DAD1: variants seen among roughly 807,000 people sequenced by gnomAD.
DAD1 encodes defender against cell death 1, also known as dolichyl-diphosphooligosaccharide--protein glycosyltransferase subunit DAD1.
In DAD1, 4 loss-of-function variants were observed where a neutral mutation model predicts 9.0. That is an observed-to-expected ratio of 0.44 (90% CI 0.22 to 1.01). The LOEUF (loss-of-function observed/expected upper bound fraction) is 1.01. Ranked by LOEUF, DAD1 falls within the 50% of genes least tolerant of loss-of-function variation. The probability of loss-of-function intolerance (pLI) is 0.24; values close to 1 mark genes in which losing one functional copy is unlikely to be tolerated. For synonymous variants in DAD1, 60 were observed against 62.5 expected, an observed-to-expected ratio of 0.96 and a Z score of 0.19; for missense variants, 119 against 137.3, an observed-to-expected ratio of 0.87 and a Z score of 0.67.
chr14:22,574,945 C>T (rs1414010206), intron 2 of DAD1, 114 bp downstream of exon 2: 1 of 835,794 alleles, frequency 1.2e-6, no homozygotes, highest in African/African-American at 1.7e-5. Flanking sequence ...ATGGAAAATT[C>T]TGCAAATGTC....
chr14:22,588,699 A>G (rs2139250564), intron 1 of DAD1, among the ~76,000 whole-genome samples: 1 of 152,350 alleles, frequency 6.6e-6, no homozygotes, highest in Non-Finnish European at 1.5e-5. Context: ...AGTGAAGTGG[A>G]TCACCAAGTG....
chr14:22,588,296 A>G (rs1213273003), intron 1 of DAD1, among the ~76,000 whole-genome samples: 1 of 152,254 alleles, frequency 6.6e-6, no homozygotes, highest in East Asian at 1.9e-4. Context: ...AAGAAAAGTC[A>G]GATTTTAACA....
In DAD1 at chr14:22,589,195, C is replaced by T. The variant is rs375224488; in HGVS notation, c.-38G>A. 3.1e-6 allele frequency: 5 copies of T among 1,605,842 alleles called. No individual in the cohort carries two copies. The highest frequency in any genetic ancestry group is 1.7e-5 in the Admixed American group (1 of 59,904). Reference sequence around the variant, plus strand: ...GGTACTCCGGTCCGCGCCCCAAACTCTTGGAGGACCCGTCGACCACACCGG... The same window carrying T: ...GGTACTCCGGTCCGCGCCCCAAACTTTTGGAGGACCCGTCGACCACACCGG... On this transcript the variant is annotated 5_prime_UTR_variant, in exon 1 of 3. Coordinates refer to ENST00000250498, the MANE Select transcript of DAD1 (RefSeq NM_001344.4).
intron 1 of DAD1, among the ~76,000 whole-genome samples, chr14:22,582,049 T>C (rs1230636929): frequency 6.8e-6 from 1 of 148,092 alleles, no homozygotes; most frequent in African/African-American, 2.5e-5. Flanking sequence ...AAAAATAAAA[T>C]ACAAAAAATT....
chr14:22,580,267 T>C (rs1266719282), intron 1 of DAD1, among the ~76,000 whole-genome samples: 3 of 151,714 alleles, frequency 2.0e-5, no homozygotes, highest in African/African-American at 7.3e-5. Context: ...AAAAAATGTT[T>C]TAATTAGCCA....
At chr14:22,572,381 A>AT (rs11388144) in intron 2 of DAD1, among the ~76,000 whole-genome samples, 10,129 of 152,264 alleles carry the variant, frequency 0.067, 480 homozygotes, top group African/African-American at 0.13. Flanking sequence ...AAATAAATGT[A>AT]TATTTTTAAA....
chr14:22,585,587 A>C (rs2037146448), intron 1 of DAD1, among the ~76,000 whole-genome samples: 2 of 152,304 alleles, frequency 1.3e-5, no homozygotes, highest in Middle Eastern at 3.4e-3. Flanking sequence ...AACACACACA[A>C]AAAAAGATCT....
rs146974105 is a variant in DAD1 at position 22,587,880 on chromosome 14, T to C, written c.211+1067A>G. Among the ~76,000 whole-genome samples the C allele has an allele frequency of 5.8e-3, 885 of 152,056 alleles. 12 individuals are homozygous for C. The highest frequency in any genetic ancestry group is 0.02 in the African/African-American group (848 of 41,466). The stretch of plus-strand genomic sequence containing the variant: ...CCTCCCGAGTAGCTGGGATTACAGG[T>C]GTGTGCCACCATGCCTGGCTAATTT... On this transcript the variant is annotated intron_variant, in intron 1 of 2. Transcript: ENST00000250498.
intron 1 of DAD1, 35 bp downstream of exon 1, chr14:22,588,912 C>A: frequency 6.2e-7 from 1 of 1,603,574 alleles, no homozygotes; most frequent in Non-Finnish European, 8.5e-7. Flanking sequence ...ACCAAAGTAA[C>A]ACATTATTAT....
chr14:22,582,358 C>CAA (rs558611163), intron 1 of DAD1, among the ~76,000 whole-genome samples: 3 of 111,068 alleles, frequency 2.7e-5, no homozygotes, highest in South Asian at 2.8e-4. Flanking sequence ...CTAAAAAATA[C>CAA]AAAAAAAAAA....
intron 1 of DAD1, among the ~76,000 whole-genome samples, chr14:22,577,977 G>A (rs2037089274): frequency 6.6e-6 from 1 of 152,254 alleles, no homozygotes; most frequent in South Asian, 2.1e-4. Flanking sequence ...AAAAAGGCCG[G>A]GCACGGTGGC....
At position 22,564,957 on chromosome 14, in the gene DAD1, T is replaced by C. The variant is rs1364226986; in HGVS notation, c.*225A>G. 2 of 601,680 alleles carry C rather than the reference T, an allele frequency of 3.3e-6. No individual in the cohort carries two copies. The highest frequency in any genetic ancestry group is 2.8e-5 in the East Asian group (1 of 36,040). The allele number at this position is 601,680 out of a possible 1,614,324, so 37.3% of individuals were successfully genotyped here. On this transcript the variant is annotated 3_prime_UTR_variant, in exon 3 of 3. Transcript: ENST00000250498. ...TTGGAAGGCAAAAGGTTACATTTAATGAAAGGCAGAGGCTGGATTAATAAA... is the reference window on the plus strand; with the variant it reads ...TTGGAAGGCAAAAGGTTACATTTAACGAAAGGCAGAGGCTGGATTAATAAA...
chr14:22,586,149 T>C (rs984813881), intron 1 of DAD1, among the ~76,000 whole-genome samples: 2 of 147,522 alleles, frequency 1.4e-5, no homozygotes, highest in African/African-American at 2.5e-5. Context: ...GAGCTTGCAG[T>C]GAGCCGAGAT....
chr14:22,566,127 G>A (rs1471435194), intron 2 of DAD1, among the ~76,000 whole-genome samples: 1 of 152,114 alleles, frequency 6.6e-6, no homozygotes, highest in African/African-American at 2.4e-5. Context: ...ACTAACACTG[G>A]TATTTACAGA....
chr14:22,587,021 T>TGACAAGCC (rs1280420043), intron 1 of DAD1, among the ~76,000 whole-genome samples: 1 of 152,204 alleles, frequency 6.6e-6, no homozygotes, highest in African/African-American at 2.4e-5. Context: ...TTTTCTTCAA[T>TGACAAGCC]GACAAGCCAC....
In DAD1 at chr14:22,571,739, C is replaced by T. The variant is rs191200700; in HGVS notation, c.*44+3320G>A. On this transcript the variant is annotated intron_variant, in intron 2 of 2. Transcript: ENST00000250498. Reference sequence around the variant, plus strand: ...CCGCCTCATGGGTTCAAACGATTCTCCTGCCTTAGCCTCCCGAGTAGCTGG... The same window carrying T: ...CCGCCTCATGGGTTCAAACGATTCTTCTGCCTTAGCCTCCCGAGTAGCTGG... 5.2e-3 allele frequency among the ~76,000 whole-genome samples: 788 copies of T among 150,996 alleles called. 2 individuals are homozygous for T. The highest frequency in any genetic ancestry group is 7.2e-3 in the Admixed American group (109 of 15,086).
At chr14:22,579,036 AGTT>A (rs1448427798) in intron 1 of DAD1, among the ~76,000 whole-genome samples, 1 of 152,220 alleles carries the variant, frequency 6.6e-6, no homozygotes, top group Non-Finnish European at 1.5e-5. Flanking sequence ...TGGGTAGCAG[AGTT>A]TATAAAGATA....
chr14:22,583,079 G>A (rs186797309), intron 1 of DAD1, among the ~76,000 whole-genome samples: 22 of 151,682 alleles, frequency 1.5e-4, no homozygotes, highest in African/African-American at 4.8e-4. Flanking sequence ...ATGGCTGGAT[G>A]AGCAGGTTTG....
At chr14:22,575,321 C>T (rs2037069204) in intron 1 of DAD1, 88 bp from the exon 2 acceptor site, 1 of 1,424,190 alleles carries the variant, frequency 7.0e-7, no homozygotes, top group Admixed American at 2.2e-5. Flanking sequence ...GAGGACCCAA[C>T]AATTCTACTC....
Sources: allele counts gnomAD v4.1 joint callset (sites outside exome capture counted in the v4.1 genomes callset), GRCh38; gene constraint gnomAD v4.1.1; transcripts MANE v1.5; gene names NCBI Gene and HGNC (gene_info 2026-07-23, HGNC 2026-07-21).